EVA1C: variants seen among roughly 807,000 people sequenced by gnomAD.
EVA1C encodes the protein protein eva-1 homolog C.
EVA1C carries 25 observed loss-of-function variants against 45.4 expected under a neutral mutation model. The observed-to-expected ratio is 0.55, with a 90% CI of 0.40 to 0.77. The LOEUF is 0.77. EVA1C is among the 30% of genes least tolerant of loss of function. The pLI is 0.00. For missense variants in EVA1C, 479 were observed against 554.8 expected, an observed-to-expected ratio of 0.86 and a Z score of 1.37; for synonymous variants, 190 against 221.2, an observed-to-expected ratio of 0.86 and a Z score of 1.25.
intron 7 of EVA1C, among the ~76,000 whole-genome samples, chr21:32,509,165 TACA>T (rs766606122): frequency 7.9e-5 from 12 of 152,332 alleles, no homozygotes; most frequent in South Asian, 2.1e-4. Context: ...GTGACTTGGC[TACA>T]ACAAGAGGGG....
At chr21:32,439,552 C>T (rs768552749) in intron 1 of EVA1C, among the ~76,000 whole-genome samples, 3 of 152,150 alleles carry the variant, frequency 2.0e-5, no homozygotes, top group Non-Finnish European at 1.5e-5. Context: ...TAAGGTGAAA[C>T]CAAAGAAGGG....
chr21:32,487,689 C>T (rs1568936047), intron 4 of EVA1C, among the ~76,000 whole-genome samples: 3 of 149,984 alleles, frequency 2.0e-5, no homozygotes, highest in Admixed American at 6.7e-5. Context: ...CATTGCCCTC[C>T]AGTCTGGGGG....
chr21:32,430,700 C>T (rs2034664688), intron 1 of EVA1C, among the ~76,000 whole-genome samples: 1 of 152,002 alleles, frequency 6.6e-6, no homozygotes, highest in African/African-American at 2.4e-5. Flanking sequence ...AGGCAGGGCA[C>T]AGTGGCTCAC....
chr21:32,425,150 A>AAAACAAACAAAC (rs56144507), intron 1 of EVA1C, among the ~76,000 whole-genome samples: 204 of 148,950 alleles, frequency 1.4e-3, no homozygotes, highest in South Asian at 8.5e-3. Context: ...ATCTCTACTA[A>AAAACAAACAAAC]AAACAAACAA....
At position 32,515,159 on chromosome 21, in the gene EVA1C, C is replaced by T. The variant is rs199918768; in HGVS notation, c.1295C>T (p.Ser432Leu). 3.6e-4 allele frequency: 581 copies of T among 1,599,238 alleles called. 7 individuals are homozygous for T. The South Asian group carries it at 5.9e-3, about 16-fold the overall frequency. ...EIWMNSGLDT[S>L]LPRNMGQFY ...TGGATGAACAGTGGTTTGGACACCTCGCTCCCAAGAAACATGGGCCAGTTC... is the reference window on the plus strand; with the variant it reads ...TGGATGAACAGTGGTTTGGACACCTTGCTCCCAAGAAACATGGGCCAGTTC... The change falls in exon 8 of 8, where the codon TCG becomes TTG. Residue 432 changes from serine (S) to leucine (L), a missense_variant. Coordinates refer to ENST00000300255, the MANE Select transcript of EVA1C (RefSeq NM_058187.5).
At chr21:32,435,717 A>G (rs560182226) in intron 1 of EVA1C, among the ~76,000 whole-genome samples, 29 of 152,400 alleles carry the variant, frequency 1.9e-4, no homozygotes, top group Admixed American at 3.9e-4. Context: ...AGATGAAAAC[A>G]TGGGCCCCCT....
At chr21:32,426,418 T>G (rs2034489246) in intron 1 of EVA1C, among the ~76,000 whole-genome samples, 1 of 151,294 alleles carries the variant, frequency 6.6e-6, no homozygotes, top group South Asian at 2.1e-4. Context: ...ACGAAGATAG[T>G]GCAGAGATTT....
Position 32,457,079 on chromosome 21 carries a change from A to G in EVA1C, c.358-518A>G, listed in dbSNP as rs377034059. Among the ~76,000 whole-genome samples, 4 of 152,138 alleles carry G rather than the reference A, an allele frequency of 2.6e-5. No homozygotes were observed. The East Asian group carries it at 5.8e-4, about 22-fold the overall frequency. Reference sequence around the variant, plus strand: ...GTAATTTTTATTTTTTGGCCTGTGGATGGTTCGTAAGCTGGAAAGGGTTTG... The same window carrying G: ...GTAATTTTTATTTTTTGGCCTGTGGGTGGTTCGTAAGCTGGAAAGGGTTTG... On this transcript the variant is annotated intron_variant, in intron 2 of 7. Coordinates refer to ENST00000300255, the MANE Select transcript of EVA1C (RefSeq NM_058187.5).
chr21:32,446,887 C>T (rs565530563), intron 1 of EVA1C, among the ~76,000 whole-genome samples: 40 of 152,316 alleles, frequency 2.6e-4, no homozygotes, highest in Non-Finnish European at 4.7e-4. Context: ...CCTCAAACAA[C>T]TCGTGGGCAC....
intron 5 of EVA1C, chr21:32,497,086 T>A: frequency 1.0e-6 from 1 of 982,020 alleles, no homozygotes; most frequent in Non-Finnish European, 1.7e-6. Context: ...TGGTCTGCTT[T>A]TTAAAGTGAC....
Position 32,501,485 on chromosome 21 carries a change from T to C in EVA1C, c.849T>C (p.Asp283=), listed in dbSNP as rs749650775. 1.3e-5 allele frequency: 20 copies of C among 1,593,296 alleles called. No individual in the cohort carries two copies. In the South Asian group the frequency reaches 1.7e-4, roughly 13 times the overall value. Residue 283 remains aspartate, a synonymous_variant, in exon 6 of 8, where the codon GAT becomes GAC. Transcript: ENST00000300255. The part of the protein sequence containing the change: ...ANLKPSLKQK[D]GEYGINFDPS... ...TAAAACCTTCTTTGAAGCAGAAAGA[T>C]GGTGAATATGGTAATTTTTATGGCT...
chr21:32,466,847 G>A (rs116595168), intron 3 of EVA1C, among the ~76,000 whole-genome samples: 2,940 of 150,424 alleles, frequency 0.02, 108 homozygotes, highest in African/African-American at 0.068. Context: ...TTAAATTAGA[G>A]ATGAGGTCTT....
At chr21:32,459,795 C>T (rs906205964) in intron 3 of EVA1C, among the ~76,000 whole-genome samples, 4 of 143,208 alleles carry the variant, frequency 2.8e-5, no homozygotes, top group African/African-American at 5.2e-5. Flanking sequence ...GAGCCGAGAT[C>T]GCGCCATTGC....
chr21:32,428,815 T>C (rs2034586204), intron 1 of EVA1C: 1 of 152,230 alleles, frequency 6.6e-6, no homozygotes, highest in African/African-American at 2.4e-5. Context: ...TAAATTACTA[T>C]AATGATCATT....
intron 1 of EVA1C, among the ~76,000 whole-genome samples, chr21:32,422,115 C>T (rs1260077107): frequency 7.1e-6 from 1 of 140,364 alleles, no homozygotes; most frequent in Non-Finnish European, 1.6e-5. Context: ...GAGAAAGGAA[C>T]AAAAGGCTAT....
chr21:32,445,898 G>A (rs2035346561), intron 1 of EVA1C, among the ~76,000 whole-genome samples: 1 of 152,190 alleles, frequency 6.6e-6, no homozygotes, highest in Non-Finnish European at 1.5e-5. Flanking sequence ...GTATCTTGGA[G>A]TTACACATGA....
At chr21:32,490,048 C>T (rs1241658646) in intron 4 of EVA1C, among the ~76,000 whole-genome samples, 1 of 152,154 alleles carries the variant, frequency 6.6e-6, no homozygotes, top group Admixed American at 6.5e-5. Context: ...AGGCGATTCA[C>T]CTGCCTTGGC....
At chr21:32,458,817 A>T (rs2035888631) in intron 3 of EVA1C, among the ~76,000 whole-genome samples, 1 of 151,838 alleles carries the variant, frequency 6.6e-6, no homozygotes, top group Admixed American at 6.6e-5. Context: ...CTGCCACCCA[A>T]CACAACTGTT....
intron 4 of EVA1C, 102 bp from the exon 5 acceptor site, chr21:32,494,925 T>C (rs1299683892): frequency 2.4e-6 from 3 of 1,247,838 alleles, no homozygotes; most frequent in Admixed American, 4.3e-5. Flanking sequence ...TCCATTTGAT[T>C]TGAATCCAGC....
Sources: gnomAD v4.1 joint callset for allele counts (sites outside exome capture counted in the v4.1 genomes callset) on GRCh38, gnomAD v4.1.1 for gene constraint, MANE v1.5 for transcripts, NCBI Gene and HGNC (gene_info 2026-07-23, HGNC 2026-07-21) for gene names.